Variants in TBC1D23 observed in about 807,000 individuals in gnomAD.
The protein encoded by TBC1D23 is HCV non-structural protein 4A-transactivated protein 1.
TBC1D23 carries 55 observed loss-of-function variants against 91.4 expected under a neutral mutation model. That is an observed-to-expected ratio of 0.60 (90% CI 0.48 to 0.75). The LOEUF (loss-of-function observed/expected upper bound fraction) is 0.75. Among genes scored for constraint, TBC1D23 ranks in the 30% least tolerant of loss-of-function variants. The pLI, the probability that TBC1D23 is intolerant of heterozygous loss-of-function variation, is 0.00. For synonymous variants in TBC1D23, 289 were observed against 281.0 expected, an observed-to-expected ratio of 1.03 and a Z score of -0.28; for missense variants, 725 against 836.1, an observed-to-expected ratio of 0.87 and a Z score of 1.64.
chr3:100,307,729 T>G (rs1461471451), intron 13 of TBC1D23, among the ~76,000 whole-genome samples: 5 of 152,244 alleles, frequency 3.3e-5, no homozygotes, highest in African/African-American at 9.6e-5. Context: ...TTTGCTATTT[T>G]CACTTTAAAT....
At position 100,261,521 on chromosome 3, in the gene TBC1D23, G is replaced by T. The variant is rs2067510655; in HGVS notation, c.53+450G>T. ...CGCCTGAGGGTTCAGAGGTTGACCC[G>T]AGGAGAATCCCTCCCACTTAGTTGG... On this transcript the variant is annotated intron_variant, in intron 1 of 18. Transcript: ENST00000394144. 1.3e-5 allele frequency: 2 copies of T among 159,812 alleles called. 1 individual carries two copies. The highest frequency in any genetic ancestry group is 3.6e-4 in the South Asian group (2 of 5,566). 9.9% of individuals were successfully genotyped at this position (159,812 alleles called of 1,614,324 possible).
At chr3:100,278,917 T>C (rs900726248) in intron 1 of TBC1D23, among the ~76,000 whole-genome samples, 3 of 152,196 alleles carry the variant, frequency 2.0e-5, no homozygotes, top group Non-Finnish European at 4.4e-5. Context: ...TTAATACTTA[T>C]TGTAGGCTAG....
In TBC1D23 at chr3:100,261,057, G is replaced by A. The variant is rs1172033878; in HGVS notation, c.39G>A (p.Ser13=). 3 of 1,613,702 alleles carry A rather than the reference G, an allele frequency of 1.9e-6. No individual in the cohort carries two copies. Among genetic ancestry groups the A allele is most frequent in the Non-Finnish European group, 2.5e-6 (3 of 1,179,722 alleles). The part of the protein sequence containing the change: ...EGEDVPPLPT[S]SGDGWEKDLE... ...AAGATGTGCCGCCGCTGCCAACGTCGAGCGGCGACGGCTGGTGAGTGAAAG... is the reference window on the plus strand; with the variant it reads ...AAGATGTGCCGCCGCTGCCAACGTCAAGCGGCGACGGCTGGTGAGTGAAAG... Residue 13 remains serine (S), a synonymous_variant, in exon 1 of 19, where the codon TCG becomes TCA. Coordinates refer to ENST00000394144, the MANE Select transcript of TBC1D23 (RefSeq NM_001199198.3).
intron 1 of TBC1D23, among the ~76,000 whole-genome samples, chr3:100,263,177 AGTT>A (rs2067528567): frequency 1.3e-5 from 2 of 152,120 alleles, no homozygotes; most frequent in Admixed American, 6.5e-5. Flanking sequence ...GTCGAAGGGG[AGTT>A]GTTCTCTGGC....
intron 1 of TBC1D23, among the ~76,000 whole-genome samples, chr3:100,273,921 T>C (rs1190017961): frequency 6.6e-6 from 1 of 152,204 alleles, no homozygotes; most frequent in Admixed American, 6.5e-5. Context: ...GGGAATACTA[T>C]TCAAAATTGT....
intron 18 of TBC1D23, among the ~76,000 whole-genome samples, chr3:100,322,504 G>A (rs1705878101): frequency 6.6e-6 from 1 of 152,132 alleles, no homozygotes; most frequent in African/African-American, 2.4e-5. Flanking sequence ...GTTTTCATGT[G>A]TTTCACTATT....
At chr3:100,317,819 G>A (rs1028612454) in intron 16 of TBC1D23, among the ~76,000 whole-genome samples, 2 of 152,000 alleles carry the variant, frequency 1.3e-5, no homozygotes, top group Non-Finnish European at 2.9e-5. Flanking sequence ...ATGGAAAATT[G>A]GACCATAATG....
intron 13 of TBC1D23, among the ~76,000 whole-genome samples, chr3:100,309,617 T>C (rs1705585808): frequency 7.0e-6 from 1 of 142,268 alleles, no homozygotes; most frequent in African/African-American, 2.5e-5. Flanking sequence ...CTTCTTTTTT[T>C]TTTTTTTTTT....
At chr3:100,305,104 A>G (rs1335869005) in intron 12 of TBC1D23, among the ~76,000 whole-genome samples, 2 of 152,156 alleles carry the variant, frequency 1.3e-5, no homozygotes, top group African/African-American at 2.4e-5. Flanking sequence ...GACTATTTTA[A>G]TAGATTTGTT....
chr3:100,297,403 C>T lies in TBC1D23; in HGVS notation c.877-520C>T, dbSNP rs551966712. On this transcript the variant is annotated intron_variant, in intron 8 of 18. Transcript: ENST00000394144. Reference sequence around the variant, plus strand: ...TTTCTTATATAGAACTCTTCAGTTCCTAACAATGCTGTATAAGTCAGATGG... The same window carrying T: ...TTTCTTATATAGAACTCTTCAGTTCTTAACAATGCTGTATAAGTCAGATGG... 2.0e-5 allele frequency among the ~76,000 whole-genome samples: 3 copies of T among 152,064 alleles called. No individual in the cohort carries two copies. In the South Asian group the frequency reaches 6.2e-4, roughly 32 times the overall value.
intron 8 of TBC1D23, 55 bp from the exon 9 acceptor site, chr3:100,297,868 A>T: frequency 7.0e-7 from 1 of 1,429,538 alleles, no homozygotes; most frequent in Non-Finnish European, 9.6e-7. Flanking sequence ...GAATATTTTT[A>T]GGAAGAAAGT....
In TBC1D23 at chr3:100,295,114, TC is replaced by T. The variant is rs1354130291; in HGVS notation, c.630del (p.Thr211LeufsTer23). On this transcript the variant is annotated frameshift_variant, in exon 6 of 19. Coordinates refer to ENST00000394144, the MANE Select transcript of TBC1D23 (RefSeq NM_001199198.3). LOFTEE classifies it high-confidence loss of function. ...TGGAAGTCTTTTTGCATGTTACTGT[TC>T]CACTGAAGTCACTCAGGCAATATGG... is the stretch of plus-strand genomic sequence containing the variant. ...WLGSLFACYC[S>X]TEVTQAIWDG... The T allele has an allele frequency of 6.2e-7, 1 of 1,600,708 alleles. No individual in the cohort carries two copies. The highest frequency in any genetic ancestry group is 1.8e-5 in the Admixed American group (1 of 56,010).
intron 16 of TBC1D23, among the ~76,000 whole-genome samples, chr3:100,318,704 G>A (rs184813711): frequency 1.2e-3 from 173 of 149,396 alleles, no homozygotes; most frequent in African/African-American, 3.8e-3. Flanking sequence ...AAGCTGGAGT[G>A]CAGTGGCGCA....
chr3:100,301,099 G>C (rs979428137), intron 10 of TBC1D23, among the ~76,000 whole-genome samples: 2 of 151,950 alleles, frequency 1.3e-5, no homozygotes, highest in African/African-American at 4.8e-5. Context: ...CTGTAAAATA[G>C]ATTCTTAAAA....
Position 100,304,861 on chromosome 3 carries a change from G to C in TBC1D23, c.1279G>C (p.Val427Leu), listed in dbSNP as rs1466302971. 1 of 1,500,748 alleles carries C rather than the reference G, an allele frequency of 6.7e-7. No homozygotes were observed. Among genetic ancestry groups the C allele is most frequent in the Non-Finnish European group, 9.3e-7 (1 of 1,079,584 alleles). 93.0% of individuals were successfully genotyped at this position (1,500,748 alleles called of 1,614,324 possible). Residue 427 changes from valine to leucine, a missense_variant, in exon 12 of 19, where the codon GTG (valine) becomes CTG (leucine). Transcript: ENST00000394144. ...TCCATTACAGAAAAACAAAGAATAT[G>C]TGAGTATTGCCAGTGGAGGATTTAT... ...AHFLQKNKEY[V>L]SIASGGFMAL... is the part of the protein sequence containing the mutation.
chr3:100,300,738 G>C (rs1381660708), intron 10 of TBC1D23, among the ~76,000 whole-genome samples: 1 of 152,034 alleles, frequency 6.6e-6, no homozygotes, highest in Non-Finnish European at 1.5e-5. Flanking sequence ...AGCTTCAAGT[G>C]ATCTGCCCAC....
At chr3:100,281,460 TA>T (rs34909058) in intron 2 of TBC1D23, among the ~76,000 whole-genome samples, 2 of 152,198 alleles carry the variant, frequency 1.3e-5, no homozygotes, top group African/African-American at 4.8e-5. Flanking sequence ...GTTTTTACAT[TA>T]AAAAAATTGA....
chr3:100,268,984 A>T (rs965864003), intron 1 of TBC1D23, among the ~76,000 whole-genome samples: 6 of 152,168 alleles, frequency 3.9e-5, no homozygotes, highest in Non-Finnish European at 8.8e-5. Flanking sequence ...GCAACAACTG[A>T]GTTTTTTTCT....
rs2067826731 is a variant in TBC1D23, at chr3:100,295,096, C to A, written c.610C>A (p.Leu204Ile). The change falls in exon 6 of 19, where the codon CTT becomes ATT. Residue 204 changes from leucine to isoleucine, a missense_variant. Leu to Ile is a conservative substitution (Grantham distance 5). Coordinates refer to ENST00000394144, the MANE Select transcript of TBC1D23 (RefSeq NM_001199198.3). ...DSYALNWLGSLFACYCSTEVT... is the reference protein window; with the variant it reads ...DSYALNWLGSIFACYCSTEVT... The stretch of plus-strand genomic sequence containing the variant: ...CATTTCCTGATTACAGCTTGGAAGT[C>A]TTTTTGCATGTTACTGTTCCACTGA... 6.3e-7 allele frequency: 1 copy of A among 1,585,718 alleles called. No homozygotes were observed. Among genetic ancestry groups the A allele is most frequent in the Admixed American group, 1.9e-5 (1 of 52,308 alleles).
Sources: gnomAD v4.1 joint callset for allele counts (sites outside exome capture counted in the v4.1 genomes callset) on GRCh38, gnomAD v4.1.1 for gene constraint, MANE v1.5 for transcripts, NCBI Gene and HGNC (gene_info 2026-07-23, HGNC 2026-07-21) for gene names.